Variants in FANCI observed in about 807,000 individuals in gnomAD.
The protein encoded by FANCI is FA complementation group I.
A neutral mutation model predicts 176.1 loss-of-function variants in FANCI; 156 were observed. That is an observed-to-expected ratio of 0.89 (90% CI 0.78 to 1.01). The LOEUF is 1.01. FANCI is among the 50% of genes least tolerant of loss of function. The probability of loss-of-function intolerance (pLI) is 0.00; values close to 1 mark genes in which losing one functional copy is unlikely to be tolerated. For missense variants in FANCI, 1,678 were observed against 1,534.1 expected, an observed-to-expected ratio of 1.09 and a Z score of -1.57; for synonymous variants, 613 against 541.7, an observed-to-expected ratio of 1.13 and a Z score of -1.83.
intron 9 of FANCI, among the ~76,000 whole-genome samples, chr15:89,265,700 T>C (rs994925807): frequency 6.6e-6 from 1 of 151,708 alleles, no homozygotes; most frequent in Non-Finnish European, 1.5e-5. Context: ...ACTTTTTGTA[T>C]TTTTAGTAGC....
intron 24 of FANCI, 75 bp from the exon 25 acceptor site, chr15:89,299,725 G>T: frequency 6.8e-7 from 1 of 1,471,486 alleles, no homozygotes. Flanking sequence ...CACCTACAGG[G>T]TAAGAATTTT....
chr15:89,255,928 G>A (rs2052475048), intron 2 of FANCI, among the ~76,000 whole-genome samples: 2 of 152,198 alleles, frequency 1.3e-5, no homozygotes, highest in African/African-American at 4.8e-5. Flanking sequence ...TAGGCTCTGT[G>A]CAAATTCTTC....
chr15:89,246,759 C>CT (rs1205186189), intron 1 of FANCI, among the ~76,000 whole-genome samples: 1 of 118,112 alleles, frequency 8.5e-6, no homozygotes, highest in African/African-American at 3.4e-5. Context: ...TTCTTTCTTC[C>CT]TTTCTTTTTT....
chr15:89,306,096 G>C lies in FANCI; in HGVS notation c.3439G>C (p.Glu1147Gln), dbSNP rs947003968. 6.2e-7 allele frequency: 1 copy of C among 1,614,094 alleles called. No individual in the cohort carries two copies. Among genetic ancestry groups the C allele is most frequent in the African/African-American group, 1.3e-5 (1 of 75,012 alleles). The change falls in exon 32 of 38, where the codon GAG becomes CAG. Residue 1147 changes from glutamate to glutamine, a missense_variant. Glu to Gln is a conservative substitution (Grantham distance 29). Transcript: ENST00000310775. The stretch of plus-strand genomic sequence containing the variant: ...GGGAACTCTGCTTACATTTTTCCAC[G>C]AGCTGGTGCAGACAGCTCTGCCATC... Reference protein sequence around the residue: ...QLGTLLTFFHELVQTALPSGS... With the variant: ...QLGTLLTFFHQLVQTALPSGS...
At chr15:89,315,947 A>G (rs1042718726) in intron 37 of FANCI, among the ~76,000 whole-genome samples, 1 of 152,200 alleles carries the variant, frequency 6.6e-6, no homozygotes, top group Non-Finnish European at 1.5e-5. Context: ...ATAAGTAGCA[A>G]ATCAGTAGCC....
rs548140972 is a variant in FANCI, at chr15:89,290,155, G to T, written c.1822-58G>T. 1.2e-3 allele frequency: 1,544 copies of T among 1,303,576 alleles called. 26 individuals carry two copies. The South Asian group carries it at 0.017, about 15-fold the overall frequency. 80.8% of individuals were successfully genotyped at this position (1,303,576 alleles called of 1,614,324 possible). On this transcript the variant is annotated intron_variant, in intron 18 of 37. Coordinates refer to ENST00000310775, the MANE Select transcript of FANCI (RefSeq NM_001113378.2). ...AAAGTGTTATTTTTAAGTTATGATTGTCCAGATCACTAGTATCTCTGTTAA... is the reference window on the plus strand; with the variant it reads ...AAAGTGTTATTTTTAAGTTATGATTTTCCAGATCACTAGTATCTCTGTTAA...
At chr15:89,301,282 C>CGT in intron 26 of FANCI, 44 bp from the exon 27 acceptor site, 1 of 1,263,878 alleles carries the variant, frequency 7.9e-7, no homozygotes, top group African/African-American at 1.5e-5. Flanking sequence ...CTGATAGGAA[C>CGT]GTGTCTGCTA....
chr15:89,273,563 G>A (rs1033579219), intron 11 of FANCI, 94 bp downstream of exon 11: 30 of 788,940 alleles, frequency 3.8e-5, no homozygotes, highest in African/African-American at 9.1e-5. Flanking sequence ...TGTTGTATCC[G>A]TTCCTAAACA....
intron 16 of FANCI, chr15:89,282,053 C>T: frequency 1.9e-6 from 1 of 530,016 alleles, no homozygotes; most frequent in South Asian, 2.1e-5. Context: ...TATTGCAATT[C>T]CCATTTTACA....
chr15:89,272,408 A>G (rs1404811359), intron 10 of FANCI, among the ~76,000 whole-genome samples: 2 of 152,094 alleles, frequency 1.3e-5, no homozygotes, highest in East Asian at 3.8e-4. Context: ...TATAATTAGC[A>G]AATATTTTTT....
Position 89,281,559 on chromosome 15 carries a change from A to G in FANCI, c.1513-206A>G, listed in dbSNP as rs79053033. On this transcript the variant is annotated intron_variant, in intron 15 of 37. Transcript: ENST00000310775. Reference sequence around the variant, plus strand: ...ACTCTCTTAGAACATTATTGACTACAATAGATTTACAGAGGCATTTGCAAC... The same window carrying G: ...ACTCTCTTAGAACATTATTGACTACGATAGATTTACAGAGGCATTTGCAAC... Among the ~76,000 whole-genome samples, 173 of 152,346 alleles carry G rather than the reference A, an allele frequency of 1.1e-3. 4 individuals are homozygous for G. In the East Asian group the frequency reaches 0.027, roughly 23 times the overall value.
At chr15:89,269,899 C>A (rs550869429) in intron 10 of FANCI, among the ~76,000 whole-genome samples, 1 of 152,192 alleles carries the variant, frequency 6.6e-6, no homozygotes, top group African/African-American at 2.4e-5. Flanking sequence ...CAACCTCCAC[C>A]TCCCAGGTTC....
At chr15:89,264,433 A>G (rs1284233762) in intron 8 of FANCI, 89 bp from the exon 9 acceptor site, 5 of 1,016,294 alleles carry the variant, frequency 4.9e-6, no homozygotes, top group Non-Finnish European at 7.7e-6. Context: ...TTTGTACTGG[A>G]GAATTCTTTA....
intron 20 of FANCI, 62 bp downstream of exon 20, chr15:89,291,776 C>A: frequency 1.6e-6 from 2 of 1,285,992 alleles, no homozygotes; most frequent in Non-Finnish European, 2.3e-6. Flanking sequence ...TTGAACTTTG[C>A]AAAGAGATAC....
At chr15:89,312,096 A>G (rs2054987650) in intron 34 of FANCI, among the ~76,000 whole-genome samples, 1 of 152,172 alleles carries the variant, frequency 6.6e-6, no homozygotes, top group African/African-American at 2.4e-5. Context: ...CACATAAAAT[A>G]TATCTGGTTT....
chr15:89,259,700 T>C (rs2052636339), intron 3 of FANCI, among the ~76,000 whole-genome samples: 1 of 152,216 alleles, frequency 6.6e-6, no homozygotes, highest in South Asian at 2.1e-4. Context: ...ACTTTTTGTC[T>C]CTACAGATTT....
Position 89,301,428 on chromosome 15 carries a change from C to T in FANCI, c.2992C>T (p.Pro998Ser), listed in dbSNP as rs182154506. The change falls in exon 27 of 38, where the codon CCC becomes TCC. Residue 998 changes from proline (P) to serine (S), a missense_variant. By Grantham distance (74) the Pro-to-Ser change is moderately conservative. Coordinates refer to ENST00000310775, the MANE Select transcript of FANCI (RefSeq NM_001113378.2). ...VLTSLSKLLE[P>S]SSPQFVQMLS... Reference sequence around the variant, plus strand: ...TACCAGTTTGTCCAAGTTACTGGAGCCCTCCTCTCCTCAGGTACTAGTACC... The same window carrying T: ...TACCAGTTTGTCCAAGTTACTGGAGTCCTCCTCTCCTCAGGTACTAGTACC... The T allele has an allele frequency of 2.8e-5, 45 of 1,611,934 alleles. 1 individual carries two copies. The Middle Eastern group carries it at 1.2e-3, about 41-fold the overall frequency.
chr15:89,316,009 A>G (rs1487951640), intron 37 of FANCI, among the ~76,000 whole-genome samples: 2 of 152,206 alleles, frequency 1.3e-5, no homozygotes, highest in African/African-American at 4.8e-5. Flanking sequence ...GGATTTCAGA[A>G]TTTTGAACAT....
chr15:89,278,810 A>G, intron 14 of FANCI, 36 bp downstream of exon 14: 3 of 1,539,762 alleles, frequency 1.9e-6, no homozygotes, highest in Non-Finnish European at 2.7e-6. Flanking sequence ...AAGTTTTTAG[A>G]AATATTTTCA....
Sources: allele counts gnomAD v4.1 joint callset (sites outside exome capture counted in the v4.1 genomes callset), GRCh38; gene constraint gnomAD v4.1.1; transcripts MANE v1.5; gene names NCBI Gene and HGNC (gene_info 2026-07-23, HGNC 2026-07-21).